Variants in DIAPH2 observed in about 807,000 individuals in gnomAD.
DIAPH2 encodes the protein protein diaphanous homolog 2.
A neutral mutation model predicts 92.7 loss-of-function variants in DIAPH2; 35 were observed. The ratio of observed to expected loss-of-function variants is 0.38; its 90% CI spans 0.29 to 0.50. The LOEUF (loss-of-function observed/expected upper bound fraction) is 0.50, where lower values mean the gene tolerates loss of function less well. Among genes scored for constraint, DIAPH2 ranks in the 20% least tolerant of loss-of-function variants. The probability of loss-of-function intolerance (pLI) is 0.94; values close to 1 mark genes in which losing one functional copy is unlikely to be tolerated. For synonymous variants in DIAPH2, 301 were observed against 280.4 expected (o/e 1.07, Z -0.73); for missense variants, 701 against 819.5 (o/e 0.86, Z 1.77).
At chrX:97,021,446 C>T (rs1157342348) in intron 17 of DIAPH2, among the ~76,000 whole-genome samples, 1 of 111,725 alleles carries the variant, frequency 9.0e-6, no homozygotes, top group Non-Finnish European at 1.9e-5. Flanking sequence ...AATCCACCCG[C>T]CTTGGCTTCC....
intron 21 of DIAPH2, among the ~76,000 whole-genome samples, chrX:97,140,953 TTTTATTTGCAGCTTAGTCTAGTATGAGAA>T (rs2067205162): frequency 8.9e-6 from 1 of 111,840 alleles, no homozygotes; most frequent in African/African-American, 3.2e-5. Flanking sequence ...AAATCCTTGA[TTTTATTTGCAGCTTAGTCTAGTATGAGAA>T]TTATATTGCA....
At chrX:97,375,716 T>C (rs986192535) in intron 24 of DIAPH2, among the ~76,000 whole-genome samples, 1 of 111,683 alleles carries the variant, frequency 9.0e-6, no homozygotes, top group African/African-American at 3.3e-5. Context: ...GGACAACCTG[T>C]CCATTGCTAC....
chrX:97,435,933 A>G (rs2070180768), intron 26 of DIAPH2, among the ~76,000 whole-genome samples: 1 of 107,484 alleles, frequency 9.3e-6, no homozygotes, highest in African/African-American at 3.4e-5. Flanking sequence ...TCAGCCTCCC[A>G]AGTAGCTGGG....
At chrX:97,141,301 AT>A (rs1416936623) in intron 21 of DIAPH2, among the ~76,000 whole-genome samples, 14 of 111,522 alleles carry the variant, frequency 1.3e-4, no homozygotes, top group African/African-American at 3.9e-4. Context: ...TTAAGAACAT[AT>A]TTTTGTAATA....
chrX:96,869,690 A>G (rs2065127604), intron 4 of DIAPH2, among the ~76,000 whole-genome samples: 1 of 110,536 alleles, frequency 9.0e-6, no homozygotes, highest in African/African-American at 3.3e-5. Flanking sequence ...AGAAACTAAT[A>G]ACTTCATAAC....
At chrX:96,711,288 C>A (rs1334498055) in intron 1 of DIAPH2, among the ~76,000 whole-genome samples, 2 of 111,777 alleles carry the variant, frequency 1.8e-5, no homozygotes, top group Non-Finnish European at 3.8e-5. Flanking sequence ...GTTTACATTC[C>A]CACCAGCAGT....
intron 17 of DIAPH2, among the ~76,000 whole-genome samples, chrX:97,051,625 A>C (rs2066521296): frequency 9.1e-6 from 1 of 110,252 alleles, no homozygotes; most frequent in South Asian, 3.8e-4. Context: ...AAATAGCTGA[A>C]TGTATTTTTA....
chrX:96,741,342 C>T (rs1458366356), intron 3 of DIAPH2, among the ~76,000 whole-genome samples: 1 of 108,798 alleles, frequency 9.2e-6, no homozygotes, highest in African/African-American at 3.4e-5. Flanking sequence ...CAGTTTTAAT[C>T]CTCTCACTTT....
chrX:97,539,428 A>T (rs910055833), intron 26 of DIAPH2, among the ~76,000 whole-genome samples: 1 of 112,197 alleles, frequency 8.9e-6, no homozygotes, highest in Non-Finnish European at 1.9e-5. Flanking sequence ...TGGGGTTTTT[A>T]AAAGCCAAAT....
chrX:97,316,485 C>CA (rs55897560), intron 23 of DIAPH2, among the ~76,000 whole-genome samples: 992 of 59,262 alleles, frequency 0.017, 15 homozygotes, highest in African/African-American at 0.053. Context: ...ACTAAAAATA[C>CA]AAAAAAAAAA....
intron 26 of DIAPH2, 43 bp downstream of exon 26, chrX:97,429,788 G>A (rs1158963324): frequency 5.5e-6 from 6 of 1,087,158 alleles, no homozygotes; most frequent in Non-Finnish European, 7.4e-6. Flanking sequence ...AAATATGAAT[G>A]TTCAGAGCAA....
intron 17 of DIAPH2, among the ~76,000 whole-genome samples, chrX:97,045,897 T>C (rs1349006828): frequency 1.0e-5 from 1 of 96,221 alleles, no homozygotes; most frequent in Non-Finnish European, 2.0e-5. Context: ...TAGGCCAGGC[T>C]GGATGGAGTG....
intron 26 of DIAPH2, among the ~76,000 whole-genome samples, chrX:97,566,506 T>C (rs1482575309): frequency 9.0e-6 from 1 of 111,612 alleles, no homozygotes; most frequent in Non-Finnish European, 1.9e-5. Flanking sequence ...AAGCTGTGAG[T>C]TGCAGCCCTT....
intron 17 of DIAPH2, among the ~76,000 whole-genome samples, chrX:97,000,288 A>G (rs187067118): frequency 1.9e-4 from 21 of 112,081 alleles, no homozygotes; most frequent in Non-Finnish European, 2.8e-4. Context: ...ATAGGAATAC[A>G]TTATTTCCCA....
chrX:97,555,505 T>C, intron 26 of DIAPH2: 1 of 654,508 alleles, frequency 1.5e-6, no homozygotes, highest in Non-Finnish European at 1.8e-6. Flanking sequence ...GACATCATTA[T>C]AATGAACATG....
chrX:97,152,066 C>G (rs2067289635), intron 22 of DIAPH2, among the ~76,000 whole-genome samples: 2 of 111,832 alleles, frequency 1.8e-5, no homozygotes, highest in African/African-American at 3.2e-5. Flanking sequence ...CAGGAATCAA[C>G]TTGGTTACCA....
chrX:97,097,194 A>G (rs2066875331), intron 19 of DIAPH2, among the ~76,000 whole-genome samples: 1 of 111,979 alleles, frequency 8.9e-6, no homozygotes, highest in Non-Finnish European at 1.9e-5. Flanking sequence ...AACGTTTAGT[A>G]TGTACATATA....
At chrX:96,887,200 T>A (rs911498457) in intron 5 of DIAPH2, among the ~76,000 whole-genome samples, 3 of 111,976 alleles carry the variant, frequency 2.7e-5, no homozygotes, top group Non-Finnish European at 5.6e-5. Context: ...TAAAACACTT[T>A]TAGGCAGAAA....
intron 17 of DIAPH2, among the ~76,000 whole-genome samples, chrX:97,066,505 A>G (rs745438392): frequency 8.9e-6 from 1 of 112,054 alleles, no homozygotes; most frequent in African/African-American, 3.2e-5. Context: ...CTCAGAATGT[A>G]TCCACATCAT....
Sources: gnomAD v4.1 joint callset for allele counts (sites outside exome capture counted in the v4.1 genomes callset) on GRCh38, gnomAD v4.1.1 for gene constraint, MANE v1.5 for transcripts, NCBI Gene and HGNC (gene_info 2026-07-23, HGNC 2026-07-21) for gene names.